The following TSTD1 variants were observed in gnomAD, a reference collection of about 807,000 sequenced individuals.
TSTD1 encodes the protein thiosulfate:glutathione sulfurtransferase.
A neutral mutation model predicts 12.6 loss-of-function variants in TSTD1; 7 were observed. That is an observed-to-expected ratio of 0.55 (90% CI 0.32 to 1.04). The LOEUF (loss-of-function observed/expected upper bound fraction) is 1.04. Among genes scored for constraint, TSTD1 ranks in the 50% least tolerant of loss-of-function variants. The pLI is 0.05. For missense variants in TSTD1, 156 were observed against 151.0 expected, an observed-to-expected ratio of 1.03 and a Z score of -0.17; for synonymous variants, 73 against 59.7, an observed-to-expected ratio of 1.22 and a Z score of -1.03.
At position 161,038,934 on chromosome 1, in the gene TSTD1, G is replaced by A; in HGVS notation, c.-45C>T. The A allele has an allele frequency of 1.3e-6, 2 of 1,547,616 alleles. No individual in the cohort carries two copies. Among genetic ancestry groups the A allele is most frequent in the Non-Finnish European group, 1.7e-6 (2 of 1,143,954 alleles). On this transcript the variant is annotated 5_prime_UTR_variant, in exon 1 of 4. Coordinates refer to ENST00000423014, the MANE Select transcript of TSTD1 (RefSeq NM_001113207.2). ...AGTCTCCGGAGTGCGGCCCTGGCCC[G>A]CCCTCTCGGCGCCTGCAACATCTCC...
rs1014494183 is a variant in TSTD1 at position 161,037,746 on chromosome 1, G to A, written c.*29C>T. The A allele has an allele frequency of 7.7e-6, 12 of 1,551,530 alleles. No individual in the cohort carries two copies. The highest frequency in any genetic ancestry group is 1.0e-5 in the Non-Finnish European group (12 of 1,146,948). ...GTTAAGGTGGCCATTAAGGGGCCAG[G>A]GGGTGGCAATCAGTAAGCTGCCTCC... On this transcript the variant is annotated 3_prime_UTR_variant, in exon 4 of 4. Coordinates refer to ENST00000423014, the MANE Select transcript of TSTD1 (RefSeq NM_001113207.2).
Position 161,038,894 on chromosome 1 carries a change from C to T in TSTD1, c.-5G>A. 1 of 1,550,732 alleles carries T rather than the reference C, an allele frequency of 6.4e-7. No individual in the cohort carries two copies. The highest frequency in any genetic ancestry group is 8.7e-7 in the Non-Finnish European group (1 of 1,146,366). On this transcript the variant is annotated 5_prime_UTR_variant, in exon 1 of 4. Transcript: ENST00000423014. The stretch of plus-strand genomic sequence containing the variant: ...CCCGCAGGTACCTCCAGCCATGGTG[C>T]GCGTAGCAACCGCGAGTCTCCGGAG...
rs1650336769 is a variant in TSTD1, at chr1:161,038,623, C to G, written c.61G>C (p.Ala21Pro). Residue 21 changes from alanine (A) to proline (P), a missense_variant, in exon 2 of 4, where the codon GCC becomes CCC. By Grantham distance (27) the Ala-to-Pro change is conservative. Coordinates refer to ENST00000423014, the MANE Select transcript of TSTD1 (RefSeq NM_001113207.2). ...CGAGAGCGCACGTCGAAGAGCCGGGCCCGTCCGGAGGCTAGGAGTGAACGG... is the reference window on the plus strand; with the variant it reads ...CGAGAGCGCACGTCGAAGAGCCGGGGCCGTCCGGAGGCTAGGAGTGAACGG... ...ELRSLLASGR[A>P]RLFDVRSREE... 2.6e-6 allele frequency: 4 copies of G among 1,550,822 alleles called. No individual in the cohort carries two copies. The highest frequency in any genetic ancestry group is 3.5e-6 in the Non-Finnish European group (4 of 1,146,334).
Position 161,038,648 on chromosome 1 carries a change from G to C in TSTD1, c.36C>G (p.Leu12=), listed in dbSNP as rs1557902933. 14 of 1,549,586 alleles carry C rather than the reference G, an allele frequency of 9.0e-6. No individual in the cohort carries two copies. In the East Asian group the frequency reaches 3.4e-4, roughly 38 times the overall value. The stretch of plus-strand genomic sequence containing the variant: ...CCCGTCCGGAGGCTAGGAGTGAACG[G>C]AGTTCAGGAAGCGAGACCGTGGGCG... ...AGAPTVSLPE[L]RSLLASGRAR... is the part of the protein sequence containing the mutation. The change falls in exon 2 of 4, where the codon CTC becomes CTG. Residue 12 remains leucine (L), a synonymous_variant. Transcript: ENST00000423014.
chr1:161,037,986 G>C lies in TSTD1; in HGVS notation c.223C>G (p.Leu75Val). 6.4e-7 allele frequency: 1 copy of C among 1,551,774 alleles called. No individual in the cohort carries two copies. The highest frequency in any genetic ancestry group is 8.7e-7 in the Non-Finnish European group (1 of 1,147,016). Residue 75 changes from leucine to valine, a missense_variant, in exon 3 of 4, where the codon CTC (leucine) becomes GTC (valine). Coordinates refer to ENST00000423014, the MANE Select transcript of TSTD1 (RefSeq NM_001113207.2). ...TTGCCCATCTGACAGAAGAAAACGA[G>C]ATGCTCATCTTCCAGCTTTGGCTTC... ...AEKPKLEDEH[L>V]VFFCQMGKRG...
chr1:161,037,764 C>G lies in TSTD1; in HGVS notation c.*11G>C. On this transcript the variant is annotated 3_prime_UTR_variant, in exon 4 of 4. Coordinates refer to ENST00000423014, the MANE Select transcript of TSTD1 (RefSeq NM_001113207.2). ...GGGCCAGGGGGTGGCAATCAGTAAG[C>G]TGCCTCCTGCCTAACTCTCTTTCTC... 1 of 1,551,738 alleles carries G rather than the reference C, an allele frequency of 6.4e-7. No homozygotes were observed. Among genetic ancestry groups the G allele is most frequent in the Non-Finnish European group, 8.7e-7 (1 of 1,147,002 alleles).
At chr1:161,038,405 T>G (rs1403177593) in intron 2 of TSTD1, 146 bp downstream of exon 2, 1 of 1,014,536 alleles carries the variant, frequency 9.9e-7, no homozygotes, top group Non-Finnish European at 1.4e-6. Context: ...CAGTCCTTCC[T>G]ACGGAAGCTG....
At chr1:161,038,797 C>A in intron 1 of TSTD1, 83 bp downstream of exon 1, 1 of 1,524,342 alleles carries the variant, frequency 6.6e-7, no homozygotes, top group Non-Finnish European at 8.9e-7. Flanking sequence ...AGCCACGCCC[C>A]TTCGCTCCGC....
At chr1:161,038,213 G>C (rs1303110513) in intron 2 of TSTD1, 138 bp from the exon 3 acceptor site, 1 of 908,474 alleles carries the variant, frequency 1.1e-6, no homozygotes, top group Non-Finnish European at 1.6e-6. Context: ...CAATTTCAAG[G>C]AACAGAAACC....
In TSTD1 at chr1:161,038,652, T is replaced by A; in HGVS notation, c.32A>T (p.Glu11Val). The change falls in exon 2 of 4, where the codon GAA (glutamate) becomes GTA (valine). Residue 11 changes from glutamate to valine, a missense_variant. Transcript: ENST00000423014. MAGAPTVSLP[E>V]LRSLLASGRA... ...TCCGGAGGCTAGGAGTGAACGGAGT[T>A]CAGGAAGCGAGACCGTGGGCGCTGA... 1 of 1,548,702 alleles carries A rather than the reference T, an allele frequency of 6.5e-7. No individual in the cohort carries two copies. Among genetic ancestry groups the A allele is most frequent in the Non-Finnish European group, 8.7e-7 (1 of 1,144,600 alleles).
rs1168538013 is a variant in TSTD1, at chr1:161,037,796, T to C, written c.327A>G (p.Glu109=). 3 of 1,551,646 alleles carry C rather than the reference T, an allele frequency of 1.9e-6. No homozygotes were observed. Among genetic ancestry groups the C allele is most frequent in the African/African-American group, 2.7e-5 (2 of 73,046 alleles). The change falls in exon 4 of 4, where the codon GAA becomes GAG. Residue 109 remains glutamate (E), a synonymous_variant. Coordinates refer to ENST00000423014, the MANE Select transcript of TSTD1 (RefSeq NM_001113207.2). ...GARNYAGAYR[E]WLEKES ...CTGCCTAACTCTCTTTCTCCAACCA[T>C]TCTCTATAGGCTCCAGCGTAGTTGC...
rs1024669045 is a variant in TSTD1, at chr1:161,037,765, T to G, written c.*10A>C. The G allele has an allele frequency of 6.4e-7, 1 of 1,551,780 alleles. No individual in the cohort carries two copies. Among genetic ancestry groups the G allele is most frequent in the South Asian group, 1.2e-5 (1 of 84,070 alleles). On this transcript the variant is annotated 3_prime_UTR_variant, in exon 4 of 4. Coordinates refer to ENST00000423014, the MANE Select transcript of TSTD1 (RefSeq NM_001113207.2). The stretch of plus-strand genomic sequence containing the variant: ...GGCCAGGGGGTGGCAATCAGTAAGC[T>G]GCCTCCTGCCTAACTCTCTTTCTCC...
In TSTD1 at chr1:161,038,059, A is replaced by G; in HGVS notation, c.150T>C (p.Ser50=). The part of the protein sequence containing the change: ...ALNIPVSELE[S]ALQMEPAAFQ... ...AGGCAGCTGGCTCCATCTGCAGAGC[A>G]CTCTCCAACTCGGACACTGGAGGAG... The change falls in exon 3 of 4, where the codon AGT becomes AGC. Residue 50 remains serine, a synonymous_variant. Transcript: ENST00000423014. 6.4e-7 allele frequency: 1 copy of G among 1,551,524 alleles called. No individual in the cohort carries two copies. Among genetic ancestry groups the G allele is most frequent in the Non-Finnish European group, 8.7e-7 (1 of 1,146,994 alleles).
At position 161,038,609 on chromosome 1, in the gene TSTD1, G is replaced by A. The variant is rs1650335717; in HGVS notation, c.75C>T (p.Asp25=). ...LLASGRARLF[D]VRSREEAAAG... is the part of the protein sequence containing the mutation. The stretch of plus-strand genomic sequence containing the variant: ...CTGCCGCCTCCTCGCGAGAGCGCAC[G>A]TCGAAGAGCCGGGCCCGTCCGGAGG... Residue 25 remains aspartate, a synonymous_variant, in exon 2 of 4, where the codon GAC becomes GAT. Transcript: ENST00000423014. 1.3e-6 allele frequency: 2 copies of A among 1,550,408 alleles called. No homozygotes were observed. The highest frequency in any genetic ancestry group is 1.7e-6 in the Non-Finnish European group (2 of 1,145,992).
intron 2 of TSTD1, 45 bp downstream of exon 2, chr1:161,038,504 GAA>G: frequency 6.7e-7 from 1 of 1,494,762 alleles, no homozygotes; most frequent in Non-Finnish European, 9.0e-7. Flanking sequence ...AGAACCTCCT[GAA>G]CGGTCTCTAT....
intron 3 of TSTD1, 25 bp from the exon 4 acceptor site, chr1:161,037,851 G>A: frequency 1.9e-6 from 3 of 1,551,796 alleles, no homozygotes. Context: ...AAGCGTGAGA[G>A]ACTGACAGGA....
chr1:161,038,951 A>G lies in TSTD1; in HGVS notation c.-62T>C. On this transcript the variant is annotated 5_prime_UTR_variant, in exon 1 of 4. Coordinates refer to ENST00000423014, the MANE Select transcript of TSTD1 (RefSeq NM_001113207.2). ...CCTGGCCCGCCCTCTCGGCGCCTGC[A>G]ACATCTCCCGTTCCCTCCCAGAGCT... 6.5e-7 allele frequency: 1 copy of G among 1,547,700 alleles called. No homozygotes were observed. Among genetic ancestry groups the G allele is most frequent in the Non-Finnish European group, 8.7e-7 (1 of 1,144,072 alleles).
chr1:161,038,919 G>A lies in TSTD1; in HGVS notation c.-30C>T. On this transcript the variant is annotated 5_prime_UTR_variant, in exon 1 of 4. Coordinates refer to ENST00000423014, the MANE Select transcript of TSTD1 (RefSeq NM_001113207.2). ...CGCGTAGCAACCGCGAGTCTCCGGA[G>A]TGCGGCCCTGGCCCGCCCTCTCGGC... is the stretch of plus-strand genomic sequence containing the variant. The A allele has an allele frequency of 6.4e-7, 1 of 1,550,624 alleles. No homozygotes were observed. Among genetic ancestry groups the A allele is most frequent in the Non-Finnish European group, 8.7e-7 (1 of 1,146,348 alleles).
At chr1:161,038,419 G>T in intron 2 of TSTD1, 132 bp downstream of exon 2, 1 of 1,143,142 alleles carries the variant, frequency 8.7e-7, no homozygotes, top group Non-Finnish European at 1.2e-6. Context: ...GAAGCTGAGG[G>T]CTGGCTCCCG....
Sources: allele counts gnomAD v4.1 joint callset, GRCh38; gene constraint gnomAD v4.1.1; transcripts MANE v1.5; gene names NCBI Gene and HGNC (gene_info 2026-07-23, HGNC 2026-07-21).